The following MITF variants were observed in gnomAD, a reference collection of about 807,000 sequenced individuals.
The protein encoded by MITF is microphthalmia-associated transcription factor.
Under a neutral mutation model 60.5 loss-of-function variants are expected in MITF, and 17 were observed. The ratio of observed to expected loss-of-function variants is 0.28; its 90% CI spans 0.19 to 0.42. The LOEUF is 0.42. Ranked by LOEUF, MITF falls within the 10% of genes least tolerant of loss-of-function variation. The pLI, the probability that MITF is intolerant of heterozygous loss-of-function variation, is 1.00. For missense variants in MITF, 622 were observed against 683.5 expected (o/e 0.91, Z 1.00); for synonymous variants, 260 against 248.5 (o/e 1.05, Z -0.43).
intron 1 of MITF, among the ~76,000 whole-genome samples, chr3:69,829,049 T>C (rs1267986887): frequency 6.6e-6 from 1 of 152,122 alleles, no homozygotes; most frequent in Non-Finnish European, 1.5e-5. Context: ...TCCTACAATA[T>C]GCTAAGAATA....
chr3:69,879,619 G>C (rs886536190), intron 2 of MITF, among the ~76,000 whole-genome samples: 3 of 152,212 alleles, frequency 2.0e-5, no homozygotes, highest in Non-Finnish European at 4.4e-5. Context: ...ATGAGAAATT[G>C]CAAGTAGGAA....
At chr3:69,933,295 T>G (rs2065762810) in intron 2 of MITF, among the ~76,000 whole-genome samples, 1 of 152,150 alleles carries the variant, frequency 6.6e-6, no homozygotes, top group Non-Finnish European at 1.5e-5. Context: ...AGAAGAATAG[T>G]GGATATCTAG....
intron 1 of MITF, among the ~76,000 whole-genome samples, chr3:69,759,939 G>A (rs1575673988): frequency 6.6e-6 from 1 of 152,098 alleles, no homozygotes; most frequent in Admixed American, 6.5e-5. Context: ...CACCACACCT[G>A]GCTAATTTTT....
At chr3:69,932,251 A>G (rs956186339) in intron 2 of MITF, among the ~76,000 whole-genome samples, 1 of 152,196 alleles carries the variant, frequency 6.6e-6, no homozygotes, top group Non-Finnish European at 1.5e-5. Context: ...CAAATCTGCT[A>G]TTGCAGCAAG....
chr3:69,807,866 G>A (rs571963603), intron 1 of MITF, among the ~76,000 whole-genome samples: 3 of 152,192 alleles, frequency 2.0e-5, no homozygotes, highest in African/African-American at 7.2e-5. Context: ...GCCAGAGACT[G>A]TTAAGAGCTG....
chr3:69,928,107 T>A (rs1196396784), intron 2 of MITF, among the ~76,000 whole-genome samples: 1 of 152,186 alleles, frequency 6.6e-6, no homozygotes, highest in Non-Finnish European at 1.5e-5. Context: ...TTGACAAAAA[T>A]GGGCGGCATG....
intron 1 of MITF, among the ~76,000 whole-genome samples, chr3:69,873,887 C>T (rs185729918): frequency 6.6e-6 from 1 of 152,244 alleles, no homozygotes; most frequent in East Asian, 1.9e-4. Context: ...TGGGCCTTAC[C>T]TAAACAAATC....
intron 1 of MITF, among the ~76,000 whole-genome samples, chr3:69,743,315 T>C (rs1703601455): frequency 6.6e-6 from 1 of 152,256 alleles, no homozygotes; most frequent in Admixed American, 6.5e-5. Context: ...TTTGAGTATG[T>C]GTTGCTTTCT....
At chr3:69,834,991 T>C (rs938262434) in intron 1 of MITF, among the ~76,000 whole-genome samples, 5 of 150,964 alleles carry the variant, frequency 3.3e-5, no homozygotes. Context: ...TTTTGAAAAG[T>C]GTCTATTAAG....
At chr3:69,906,063 G>A (rs1385646380) in intron 2 of MITF, among the ~76,000 whole-genome samples, 1 of 151,974 alleles carries the variant, frequency 6.6e-6, no homozygotes. Flanking sequence ...AAGGTCATAA[G>A]GATTTTACCT....
At chr3:69,767,969 A>G (rs770405365) in intron 1 of MITF, among the ~76,000 whole-genome samples, 11 of 152,218 alleles carry the variant, frequency 7.2e-5, no homozygotes, top group African/African-American at 1.4e-4. Flanking sequence ...AAGTAAGGCT[A>G]TATGTAAACT....
At chr3:69,863,287 T>C (rs1009221438) in intron 1 of MITF, among the ~76,000 whole-genome samples, 1 of 152,196 alleles carries the variant, frequency 6.6e-6, no homozygotes, top group Admixed American at 6.5e-5. Context: ...GAATTTTGTA[T>C]ATGGTGGCCT....
chr3:69,826,013 T>C (rs1459332515), intron 1 of MITF, among the ~76,000 whole-genome samples: 2 of 152,238 alleles, frequency 1.3e-5, no homozygotes, highest in African/African-American at 4.8e-5. Flanking sequence ...AGTAAATGTC[T>C]TGTGCAGGTG....
intron 9 of MITF, among the ~76,000 whole-genome samples, chr3:69,962,936 G>C (rs532090486): frequency 5.3e-5 from 8 of 152,154 alleles, no homozygotes; most frequent in Non-Finnish European, 1.2e-4. Flanking sequence ...CAGCAGGGTT[G>C]GTCCCTTCTG....
intron 1 of MITF, among the ~76,000 whole-genome samples, chr3:69,789,038 T>C (rs2062697574): frequency 6.6e-6 from 1 of 152,048 alleles, no homozygotes; most frequent in African/African-American, 2.4e-5. Context: ...AACTTAGCAA[T>C]GATTTATTGT....
In MITF at chr3:69,965,601, C is replaced by T; in HGVS notation, c.*353C>T. The T allele has an allele frequency of 1.2e-5, 3 of 252,598 alleles. No individual in the cohort carries two copies. The highest frequency in any genetic ancestry group is 4.4e-5 in the African/African-American group (2 of 45,612). 15.6% of individuals were successfully genotyped at this position (252,598 alleles called of 1,614,324 possible). A position where few individuals can be genotyped will look rare whatever the true frequency, so the allele number is the denominator to read the frequency against. ...TTTGAGATTTTTATGCCTGTGACTT[C>T]CTTGGAAATCAAATGTAAAGTTTAA... On this transcript the variant is annotated 3_prime_UTR_variant, in exon 10 of 10. Coordinates refer to ENST00000352241, the MANE Select transcript of MITF (RefSeq NM_001354604.2).
chr3:69,924,342 A>G (rs1337462406), intron 2 of MITF, among the ~76,000 whole-genome samples: 2 of 152,254 alleles, frequency 1.3e-5, no homozygotes, highest in East Asian at 1.9e-4. Context: ...AAGGTCCAGA[A>G]TAGCAAGCTA....
rs148824047 is a variant in MITF at position 69,938,562 on chromosome 3, C to T, written c.582+513C>T. Reference sequence around the variant, plus strand: ...ATAGCACATGAGACTTTAACGGAAACGCAAAGGTTTAATTGCTGGATACAT... The same window carrying T: ...ATAGCACATGAGACTTTAACGGAAATGCAAAGGTTTAATTGCTGGATACAT... On this transcript the variant is annotated intron_variant, in intron 3 of 9. Coordinates refer to ENST00000352241, the MANE Select transcript of MITF (RefSeq NM_001354604.2). 1.7e-5 allele frequency: 23 copies of T among 1,392,776 alleles called. No individual in the cohort carries two copies. In the East Asian group the frequency reaches 2.6e-4, roughly 16 times the overall value. 86.3% of individuals were successfully genotyped at this position (1,392,776 alleles called of 1,614,324 possible).
chr3:69,948,438 T>A (rs1320142245), intron 5 of MITF, among the ~76,000 whole-genome samples: 1 of 151,832 alleles, frequency 6.6e-6, no homozygotes, highest in Non-Finnish European at 1.5e-5. Flanking sequence ...AAAGTGTAAA[T>A]TTTTGCTCTC....
Sources: allele counts gnomAD v4.1 joint callset (sites outside exome capture counted in the v4.1 genomes callset), GRCh38; gene constraint gnomAD v4.1.1; transcripts MANE v1.5; gene names NCBI Gene and HGNC (gene_info 2026-07-23, HGNC 2026-07-21).